The following TSHZ2 variants were observed in gnomAD, a reference collection of about 807,000 sequenced individuals.
TSHZ2 encodes the protein teashirt homolog 2.
Under a neutral mutation model 74.4 loss-of-function variants are expected in TSHZ2, and 21 were observed. The ratio of observed to expected loss-of-function variants is 0.28; its 90% CI spans 0.20 to 0.41. The LOEUF is 0.41. Among genes scored for constraint, TSHZ2 ranks in the 10% least tolerant of loss-of-function variants. The pLI, the probability that TSHZ2 is intolerant of heterozygous loss-of-function variation, is 1.00. For missense variants in TSHZ2, 1,244 were observed against 1,293.5 expected, an observed-to-expected ratio of 0.96 and a Z score of 0.59; for synonymous variants, 540 against 515.3, an observed-to-expected ratio of 1.05 and a Z score of -0.65.
chr20:53,150,684 AAGGAAGGAAGGAGGAG>A (rs1237122055), intron 1 of TSHZ2, among the ~76,000 whole-genome samples: 1 of 151,978 alleles, frequency 6.6e-6, no homozygotes, highest in Non-Finnish European at 1.5e-5. Flanking sequence ...AGAAAGGAAA[AAGGAAGGAAGGAGGAG>A]AGGAAGGAAG....
intron 1 of TSHZ2, among the ~76,000 whole-genome samples, chr20:53,183,372 T>A (rs1170462828): frequency 6.6e-6 from 1 of 152,212 alleles, no homozygotes; most frequent in Non-Finnish European, 1.5e-5. Flanking sequence ...TGAGTGAAGA[T>A]GCTGCTCGGG....
intron 2 of TSHZ2, among the ~76,000 whole-genome samples, chr20:53,446,771 G>T (rs1984567546): frequency 6.6e-6 from 1 of 152,086 alleles, no homozygotes; most frequent in South Asian, 2.1e-4. Context: ...GGTAAGGCAG[G>T]TATCCAGGGA....
chr20:53,041,838 T>C (rs1187064043), intron 1 of TSHZ2, among the ~76,000 whole-genome samples: 1 of 152,194 alleles, frequency 6.6e-6, no homozygotes, highest in Non-Finnish European at 1.5e-5. Flanking sequence ...ATCGAGATGA[T>C]CCTTGATACC....
At chr20:53,230,995 A>G (rs1989813397) in intron 1 of TSHZ2, among the ~76,000 whole-genome samples, 1 of 152,252 alleles carries the variant, frequency 6.6e-6, no homozygotes, top group South Asian at 2.1e-4. Context: ...AAAGTCCTCA[A>G]CTTAATGTCT....
chr20:53,116,987 G>A (rs1986686618), intron 1 of TSHZ2, among the ~76,000 whole-genome samples: 1 of 152,106 alleles, frequency 6.6e-6, no homozygotes, highest in African/African-American at 2.4e-5. Context: ...TTCTTCATGG[G>A]GGAGAGTGAG....
Position 53,256,548 on chromosome 20 carries a change from C to G in TSHZ2, c.3090C>G (p.Asp1030Glu). 6.3e-7 allele frequency: 1 copy of G among 1,589,274 alleles called. No homozygotes were observed. The highest frequency in any genetic ancestry group is 8.6e-7 in the Non-Finnish European group (1 of 1,164,264). The change falls in exon 2 of 3, where the codon GAC becomes GAG. Residue 1030 changes from aspartate (D) to glutamate (E), a missense_variant. Physicochemically the swap from Asp to Glu is conservative, Grantham distance 45 (BLOSUM62 2). This residue lies in a region of TSHZ2 where 185 missense variants were observed against 213.3 expected (regional missense o/e 0.87). Transcript: ENST00000371497. This position sits in a 1 kb window ranked among gnomAD's most constrained non-coding sequence, Gnocchi z 4.3. Reference protein sequence around the residue: ...SPEHHSQFVTDVDEE With the variant: ...SPEHHSQFVTEVDEE ...AACACCATTCACAGTTTGTAACAGA[C>G]GTGGATGAAGAATAGCTCTGCAGGT...
chr20:53,201,124 G>A (rs1460796357), intron 1 of TSHZ2, among the ~76,000 whole-genome samples: 2 of 152,082 alleles, frequency 1.3e-5, no homozygotes, highest in African/African-American at 2.4e-5. Context: ...AGAACAATGG[G>A]AAATTATCAA....
chr20:53,406,073 T>C (rs1329483831), intron 2 of TSHZ2, among the ~76,000 whole-genome samples: 1 of 152,134 alleles, frequency 6.6e-6, no homozygotes. Context: ...GGGTAGATGA[T>C]GAAGGCATCT....
chr20:53,353,227 C>T (rs1490472888), intron 2 of TSHZ2, among the ~76,000 whole-genome samples: 1 of 152,168 alleles, frequency 6.6e-6, no homozygotes. Flanking sequence ...TCCCCTGAGG[C>T]TGTGACTGCA....
At chr20:53,200,612 A>G (rs1024365041) in intron 1 of TSHZ2, among the ~76,000 whole-genome samples, 1 of 152,172 alleles carries the variant, frequency 6.6e-6, no homozygotes, top group Non-Finnish European at 1.5e-5. Context: ...GACTTCTTAC[A>G]GTCCTTCTTG....
chr20:53,112,987 G>A (rs527690836), intron 1 of TSHZ2, among the ~76,000 whole-genome samples: 2 of 152,316 alleles, frequency 1.3e-5, no homozygotes, highest in African/African-American at 4.8e-5. Context: ...GAAGGCACAA[G>A]TTAACTTGGC....
intron 1 of TSHZ2, among the ~76,000 whole-genome samples, chr20:53,108,844 G>A (rs1455880027): frequency 6.6e-6 from 1 of 152,152 alleles, no homozygotes; most frequent in African/African-American, 2.4e-5. Context: ...ACAGGCTGCT[G>A]AGTCTCTACC....
chr20:53,063,280 G>C (rs1984877369), intron 1 of TSHZ2, among the ~76,000 whole-genome samples: 1 of 152,060 alleles, frequency 6.6e-6, no homozygotes, highest in African/African-American at 2.4e-5. Context: ...ACAATAAAAT[G>C]AAGCACATTA....
At chr20:53,231,916 G>T (rs556482354) in intron 1 of TSHZ2, among the ~76,000 whole-genome samples, 21 of 152,200 alleles carry the variant, frequency 1.4e-4, no homozygotes, top group African/African-American at 4.3e-4. Context: ...GGAGGGTCTT[G>T]CTCTGTTGCC....
At chr20:53,136,048 G>A (rs1468958867) in intron 1 of TSHZ2, among the ~76,000 whole-genome samples, 2 of 152,186 alleles carry the variant, frequency 1.3e-5, no homozygotes, top group Non-Finnish European at 2.9e-5. Flanking sequence ...GAAGTCCAAG[G>A]TTGAGGGGCT....
chr20:53,176,843 C>T (rs144062728), intron 1 of TSHZ2, among the ~76,000 whole-genome samples: 2,018 of 152,012 alleles, frequency 0.013, 51 homozygotes, highest in African/African-American at 0.046. Context: ...TGCGTCACCA[C>T]GCCCAGCTAA....
At chr20:53,454,525 G>A (rs1055452494) in intron 2 of TSHZ2, among the ~76,000 whole-genome samples, 31 of 151,084 alleles carry the variant, frequency 2.1e-4, no homozygotes, top group African/African-American at 7.3e-4. Context: ...TCGTACCACT[G>A]CACTCCAGCC....
chr20:53,286,690 A>G (rs1198592866), intron 2 of TSHZ2, among the ~76,000 whole-genome samples: 1 of 152,094 alleles, frequency 6.6e-6, no homozygotes, highest in African/African-American at 2.4e-5. Flanking sequence ...GGAGTTTGAG[A>G]CCAGCCTGAA....
chr20:53,023,702 A>G (rs1460429537), intron 1 of TSHZ2, among the ~76,000 whole-genome samples: 2 of 152,114 alleles, frequency 1.3e-5, no homozygotes, highest in Admixed American at 6.6e-5. Flanking sequence ...AGTTAAAAAC[A>G]ACAGCAGCCA....
Sources: gnomAD v4.1 joint callset for allele counts (sites outside exome capture counted in the v4.1 genomes callset) on GRCh38, gnomAD v4.1.1 for gene constraint, gnomAD v4.1.1 regional missense constraint, Gnocchi (gnomAD v3.1) non-coding constraint, MANE v1.5 for transcripts, NCBI Gene and HGNC (gene_info 2026-07-23, HGNC 2026-07-21) for gene names.